The following CCT6B variants were observed in gnomAD, a reference collection of about 807,000 sequenced individuals.
CCT6B encodes the protein chaperonin containing TCP1 subunit 6B.
CCT6B carries 49 observed loss-of-function variants against 61.5 expected under a neutral mutation model. That is an observed-to-expected ratio of 0.80 (90% CI 0.63 to 1.01). The LOEUF (loss-of-function observed/expected upper bound fraction) is 1.01. Among genes scored for constraint, CCT6B ranks in the 50% least tolerant of loss-of-function variants. The pLI, the probability that CCT6B is intolerant of heterozygous loss-of-function variation, is 0.00. For synonymous variants in CCT6B, 228 were observed against 214.5 expected (o/e 1.06, Z -0.55); for missense variants, 666 against 634.7 (o/e 1.05, Z -0.53).
At chr17:34,932,072 T>C (rs1211891356) in intron 11 of CCT6B, among the ~76,000 whole-genome samples, 1 of 152,220 alleles carries the variant, frequency 6.6e-6, no homozygotes, top group Non-Finnish European at 1.5e-5. Flanking sequence ...TTTTTCATTA[T>C]GATTAGTTAA....
intron 1 of CCT6B, among the ~76,000 whole-genome samples, chr17:34,960,386 G>T (rs908208521): frequency 1.3e-5 from 2 of 152,166 alleles, no homozygotes; most frequent in Non-Finnish European, 1.5e-5. Flanking sequence ...TGCACCATTG[G>T]TCTTTCTTAT....
chr17:34,933,644 C>T (rs2090061065), intron 10 of CCT6B, among the ~76,000 whole-genome samples: 2 of 152,116 alleles, frequency 1.3e-5, no homozygotes, highest in East Asian at 3.9e-4. Flanking sequence ...ATCCATGTAC[C>T]TACCACCCAG....
chr17:34,939,209 C>G lies in CCT6B; in HGVS notation c.1187G>C (p.Arg396Pro). The G allele has an allele frequency of 1.2e-6, 2 of 1,613,618 alleles. No homozygotes were observed. The highest frequency in any genetic ancestry group is 1.7e-6 in the Non-Finnish European group (2 of 1,179,832). ...QVKDAIRDGL[R>P]AIKNAIEDGC... ...ATCTTCAATGGCATTTTTGATAGCA[C>G]GAAGTCCATCTCTTATGGCATCCTT... Residue 396 changes from arginine to proline, a missense_variant, in exon 10 of 14, where the codon CGT becomes CCT. By Grantham distance (103) the Arg-to-Pro change is moderately radical. Coordinates refer to ENST00000314144, the MANE Select transcript of CCT6B (RefSeq NM_006584.4).
At chr17:34,960,978 A>G (rs1312438595) in intron 1 of CCT6B, among the ~76,000 whole-genome samples, 1 of 152,244 alleles carries the variant, frequency 6.6e-6, no homozygotes, top group Non-Finnish European at 1.5e-5. Context: ...TTTGTTTCCA[A>G]TGAGACACTA....
chr17:34,935,396 CTG>C (rs1262213444), intron 10 of CCT6B, among the ~76,000 whole-genome samples: 1 of 152,066 alleles, frequency 6.6e-6, no homozygotes, highest in Non-Finnish European at 1.5e-5. Flanking sequence ...AATTGTTAAA[CTG>C]TAAATTTTAT....
chr17:34,957,142 C>CCT (rs2090356550), intron 3 of CCT6B, among the ~76,000 whole-genome samples: 1 of 89,328 alleles, frequency 1.1e-5, no homozygotes, highest in African/African-American at 4.0e-5. Context: ...TTTTTCTTTC[C>CCT]ATTTTTTTTT....
chr17:34,954,194 C>G (rs998875621), intron 4 of CCT6B, among the ~76,000 whole-genome samples: 1 of 152,026 alleles, frequency 6.6e-6, no homozygotes, highest in Admixed American at 6.5e-5. Flanking sequence ...CAAACCTCTC[C>G]CACCTTTCAA....
At chr17:34,932,586 G>C (rs1021833469) in intron 10 of CCT6B, 86 bp from the exon 11 acceptor site, 22 of 1,244,334 alleles carry the variant, frequency 1.8e-5, no homozygotes, top group Non-Finnish European at 2.3e-5. Flanking sequence ...CACTATTTAA[G>C]TATGTTCTAT....
chr17:34,938,011 T>C lies in CCT6B; in HGVS notation c.1213+1172A>G, dbSNP rs537937333. On this transcript the variant is annotated intron_variant, in intron 10 of 13. Transcript: ENST00000314144. ...CTCAAGTGATATTCCTGCCTCAGCC[T>C]CCTAAGTAGCTGGAACTACAGGTAC... Among the ~76,000 whole-genome samples, 12 of 152,066 alleles carry C rather than the reference T, an allele frequency of 7.9e-5. No homozygotes were observed. The South Asian group carries it at 2.5e-3, about 32-fold the overall frequency.
In CCT6B at chr17:34,949,098, A is replaced by AAAGAAAAGAC. The variant is rs1473344740; in HGVS notation, c.614+2851_614+2852insGTCTTTTCTT. Reference sequence around the variant, plus strand: ...AGGGGAGGGGAGGGGAGGGGAGGGAAAAGAAAAGAGAAAAGAAAAGAAAAG... The same window carrying AAAGAAAAGAC: ...AGGGGAGGGGAGGGGAGGGGAGGGAAAAGAAAAGACAAGAAAAGAGAAAAGAAAAGAAAAG... On this transcript the variant is annotated intron_variant, in intron 5 of 13. Transcript: ENST00000314144. Among the ~76,000 whole-genome samples the AAAGAAAAGAC allele has an allele frequency of 3.2e-3, 476 of 150,088 alleles. 9 individuals carry two copies. The highest frequency in any genetic ancestry group is 5.2e-3 in the Non-Finnish European group (348 of 67,390).
intron 7 of CCT6B, among the ~76,000 whole-genome samples, chr17:34,940,870 C>T (rs545940095): frequency 6.6e-6 from 1 of 152,020 alleles, no homozygotes; most frequent in African/African-American, 2.4e-5. Context: ...ATTTACTACA[C>T]TTTTGAAAAC....
At chr17:34,952,198 T>C (rs542259069) in intron 4 of CCT6B, 145 bp from the exon 5 acceptor site, 10 of 534,996 alleles carry the variant, frequency 1.9e-5, no homozygotes, top group East Asian at 3.1e-5. Context: ...CACTTTACTA[T>C]GGATGCTAAC....
chr17:34,932,245 C>A, intron 11 of CCT6B, 122 bp downstream of exon 11: 1 of 842,792 alleles, frequency 1.2e-6, no homozygotes, highest in Non-Finnish European at 1.7e-6. Flanking sequence ...TAAGAGAAAA[C>A]TGTGTAAGGA....
intron 7 of CCT6B, among the ~76,000 whole-genome samples, 192 bp from the exon 8 acceptor site, chr17:34,940,813 A>T (rs958757229): frequency 2.6e-5 from 4 of 152,100 alleles, no homozygotes; most frequent in African/African-American, 7.2e-5. Flanking sequence ...AATTCATTTA[A>T]ATAATAAGCC....
At chr17:34,941,022 T>C (rs562017738) in intron 7 of CCT6B, among the ~76,000 whole-genome samples, 1 of 152,280 alleles carries the variant, frequency 6.6e-6, no homozygotes, top group East Asian at 1.9e-4. Context: ...TGGTTCAAGT[T>C]TATGAAGAAA....
At chr17:34,941,546 T>C (rs1045858096) in intron 7 of CCT6B, among the ~76,000 whole-genome samples, 1 of 152,238 alleles carries the variant, frequency 6.6e-6, no homozygotes, top group African/African-American at 2.4e-5. Flanking sequence ...TCAAATGTTA[T>C]TGACAACAAA....
intron 11 of CCT6B, among the ~76,000 whole-genome samples, 184 bp downstream of exon 11, chr17:34,932,183 A>G (rs987218799): frequency 6.6e-6 from 1 of 152,204 alleles, no homozygotes; most frequent in Non-Finnish European, 1.5e-5. Context: ...AGATCGTGCA[A>G]GGATCCTGGG....
chr17:34,939,192 T>C lies in CCT6B; in HGVS notation c.1204A>G (p.Ile402Val), dbSNP rs2090130298. The change falls in exon 10 of 14, where the codon ATT (isoleucine) becomes GTT (valine). Residue 402 changes from isoleucine to valine, a missense_variant. Ile to Val is a conservative substitution (Grantham distance 29, BLOSUM62 3). Coordinates refer to ENST00000314144, the MANE Select transcript of CCT6B (RefSeq NM_006584.4). ...ACAAGAAAGAGCTTACCATCTTCAATGGCATTTTTGATAGCACGAAGTCCA... is the reference window on the plus strand; with the variant it reads ...ACAAGAAAGAGCTTACCATCTTCAACGGCATTTTTGATAGCACGAAGTCCA... ...RDGLRAIKNA[I>V]EDGCMVPGAG... The C allele has an allele frequency of 1.9e-6, 3 of 1,613,698 alleles. No homozygotes were observed. Among genetic ancestry groups the C allele is most frequent in the African/African-American group, 1.3e-5 (1 of 75,030 alleles).
chr17:34,929,240 T>C (rs1053735846), intron 12 of CCT6B, among the ~76,000 whole-genome samples: 4 of 152,184 alleles, frequency 2.6e-5, no homozygotes, highest in Non-Finnish European at 5.9e-5. Flanking sequence ...GCCTACTCTA[T>C]GTTATCTTCC....
Sources: allele counts gnomAD v4.1 joint callset (sites outside exome capture counted in the v4.1 genomes callset), GRCh38; gene constraint gnomAD v4.1.1; transcripts MANE v1.5; gene names NCBI Gene and HGNC (gene_info 2026-07-23, HGNC 2026-07-21).